KIF23: variants seen among roughly 807,000 people sequenced by gnomAD.
KIF23 encodes kinesin family member 23.
In KIF23, 30 loss-of-function variants were observed where a neutral mutation model predicts 137.5. The observed-to-expected ratio is 0.22, with a 90% confidence interval of 0.16 to 0.30. The LOEUF (loss-of-function observed/expected upper bound fraction) is 0.30, where lower values mean the gene tolerates loss of function less well. Among genes scored for constraint, KIF23 ranks in the 10% least tolerant of loss-of-function variants. KIF23 has a pLI of 1.00. For synonymous variants in KIF23, 367 were observed against 391.1 expected, an observed-to-expected ratio of 0.94 and a Z score of 0.73; for missense variants, 920 against 1,194.3, an observed-to-expected ratio of 0.77 and a Z score of 3.38.
At chr15:69,435,866 T>G in intron 13 of KIF23, 95 bp downstream of exon 13, 1 of 1,476,596 alleles carries the variant, frequency 6.8e-7, no homozygotes, top group Non-Finnish European at 9.2e-7. Context: ...ATTTTAAAAA[T>G]GGATAGAGAA....
intron 7 of KIF23, among the ~76,000 whole-genome samples, chr15:69,424,723 G>A (rs1404733050): frequency 6.6e-6 from 1 of 152,066 alleles, no homozygotes; most frequent in Non-Finnish European, 1.5e-5. Context: ...GCCCAGGTTG[G>A]TCTCGAACTC....
chr15:69,445,967 G>C (rs150213296), intron 20 of KIF23, 42 bp from the exon 21 acceptor site: 7 of 1,342,980 alleles, frequency 5.2e-6, no homozygotes, highest in Non-Finnish European at 7.4e-6. Context: ...TTTTCGTTTG[G>C]GTGTATCAAT....
chr15:69,434,764 T>TA (rs2057433752), intron 11 of KIF23: 1 of 1,168,568 alleles, frequency 8.6e-7, no homozygotes, highest in African/African-American at 1.5e-5. Flanking sequence ...CAGGAGGCCA[T>TA]AAAGCTCTTG....
Position 69,441,010 on chromosome 15 carries a change from G to T in KIF23, c.2352G>T (p.Trp784Cys), listed in dbSNP as rs1165825961. The T allele has an allele frequency of 6.2e-7, 1 of 1,614,104 alleles. No homozygotes were observed. Among genetic ancestry groups the T allele is most frequent in the Non-Finnish European group, 8.5e-7 (1 of 1,180,028 alleles). ...IVSDRRRGMY[W>C]TEGREVVPTF... ...CAGACAGAAGGCGAGGGATGTACTG[G>T]ACTGAAGGCAGGGAGGTGGTTCCTA... Residue 784 changes from tryptophan (W) to cysteine (C), a missense_variant, in exon 19 of 24, where the codon TGG becomes TGT. Physicochemically the swap from Trp to Cys is radical, Grantham distance 215 (BLOSUM62 -2). This residue lies in a region of KIF23 where 714 missense variants were observed against 866.2 expected (regional missense o/e 0.82). Transcript: ENST00000679126.
In KIF23 at chr15:69,417,202, A is replaced by G. The variant is rs117440455; in HGVS notation, c.82-181A>G. Among the ~76,000 whole-genome samples, 734 of 152,330 alleles carry G rather than the reference A, an allele frequency of 4.8e-3. 5 individuals carry two copies. The highest frequency in any genetic ancestry group is 8.2e-3 in the Non-Finnish European group (561 of 68,034). Reference sequence around the variant, plus strand: ...TGTATTTAAAGTATTCTCATATCTAATACATACTTGTATTTGTCAATCTCA... The same window carrying G: ...TGTATTTAAAGTATTCTCATATCTAGTACATACTTGTATTTGTCAATCTCA... On this transcript the variant is annotated intron_variant, in intron 2 of 23. Transcript: ENST00000679126.
intron 21 of KIF23, 67 bp downstream of exon 21, chr15:69,446,158 C>A (rs538310198): frequency 6.9e-7 from 1 of 1,456,092 alleles, no homozygotes. Context: ...TTTGGAGGAA[C>A]AGAATAGCCT....
rs1200564229 is a variant in KIF23 at position 69,422,399 on chromosome 15, G to C, written c.527G>C (p.Arg176Thr). The part of the protein sequence containing the change: ...EVDALLERQK[R>T]EAMPNPKTSS... ...GATGCCTTATTAGAACGTCAGAAAAGAGAAGCTATGCCCAATCCAAAGACT... is the reference window on the plus strand; with the variant it reads ...GATGCCTTATTAGAACGTCAGAAAACAGAAGCTATGCCCAATCCAAAGACT... The change falls in exon 6 of 24, where the codon AGA becomes ACA. Residue 176 changes from arginine (R) to threonine (T), a missense_variant. Physicochemically the swap from Arg to Thr is moderately conservative, Grantham distance 71 (BLOSUM62 -1). Around this residue, in one of 4 missense-constraint regions of KIF23, gnomAD observed 714 missense variants for 866.2 expected, o/e 0.82. Coordinates refer to ENST00000679126, the MANE Select transcript of KIF23 (RefSeq NM_001367805.3). 11 of 1,607,248 alleles carry C rather than the reference G, an allele frequency of 6.8e-6. No homozygotes were observed. Among genetic ancestry groups the C allele is most frequent in the Admixed American group, 1.7e-5 (1 of 59,966 alleles).
At position 69,436,580 on chromosome 15, in the gene KIF23, C is replaced by T. The variant is rs747697382; in HGVS notation, c.1455C>T (p.Asp485=). Residue 485 remains aspartate (D), a synonymous_variant, in exon 15 of 24, where the codon GAC becomes GAT. Transcript: ENST00000679126. Reference sequence around the variant, plus strand: ...TCAATACAGAACCATTGGTTACTGACGTGGTTTTGCAGAGTTTTCCACCTT... The same window carrying T: ...TCAATACAGAACCATTGGTTACTGATGTGGTTTTGCAGAGTTTTCCACCTT... ...GPVGNEPLVT[D]VVLQSFPPLP... The T allele has an allele frequency of 1.7e-5, 27 of 1,607,690 alleles. No homozygotes were observed. The highest frequency in any genetic ancestry group is 6.8e-5 in the Admixed American group (4 of 58,998).
chr15:69,439,970 G>A lies in KIF23; in HGVS notation c.1822G>A (p.Glu608Lys). 6.2e-7 allele frequency: 1 copy of A among 1,614,056 alleles called. No homozygotes were observed. Among genetic ancestry groups the A allele is most frequent in the Non-Finnish European group, 8.5e-7 (1 of 1,179,996 alleles). The change falls in exon 17 of 24, where the codon GAA becomes AAA. Residue 608 changes from glutamate to lysine, a missense_variant. By Grantham distance (56) the Glu-to-Lys change is moderately conservative. Coordinates refer to ENST00000679126, the MANE Select transcript of KIF23 (RefSeq NM_001367805.3). ...EDKRNLQQEL[E>K]TQNQKLQRQF... ...TAAACGCAATTTGCAACAGGAACTT[G>A]AAACTCAGAACCAGAAACTTCAGCG...
chr15:69,417,276 A>G, intron 2 of KIF23, 107 bp from the exon 3 acceptor site: 1 of 1,087,568 alleles, frequency 9.2e-7, no homozygotes, highest in Non-Finnish European at 1.3e-6. Flanking sequence ...GAGCTCTTAA[A>G]TTGAGAGACT....
intron 16 of KIF23, among the ~76,000 whole-genome samples, chr15:69,439,209 A>G (rs1242119329): frequency 2.6e-5 from 4 of 152,186 alleles, no homozygotes; most frequent in Non-Finnish European, 5.9e-5. Context: ...TGAGAGTTTT[A>G]ACAGTTGAAA....
rs1182869796 is a variant in KIF23 at position 69,440,041 on chromosome 15, G to A, written c.1893G>A (p.Met631Ile). Residue 631 changes from methionine (M) to isoleucine (I), a missense_variant, in exon 17 of 24, where the codon ATG becomes ATA. Met to Ile is a conservative substitution (Grantham distance 10). Coordinates refer to ENST00000679126, the MANE Select transcript of KIF23 (RefSeq NM_001367805.3). ...GATTAGAAGCCAGGTTGCAAGGCATGGTGACAGAAACGACAATGAAGTGGG... is the reference window on the plus strand; with the variant it reads ...GATTAGAAGCCAGGTTGCAAGGCATAGTGACAGAAACGACAATGAAGTGGG... Reference protein sequence around the residue: ...KRRLEARLQGMVTETTMKWEK... With the variant: ...KRRLEARLQGIVTETTMKWEK... 1 of 1,613,830 alleles carries A rather than the reference G, an allele frequency of 6.2e-7. No individual in the cohort carries two copies. Among genetic ancestry groups the A allele is most frequent in the Admixed American group, 1.7e-5 (1 of 59,984 alleles).
intron 10 of KIF23, among the ~76,000 whole-genome samples, chr15:69,427,116 T>C (rs527970784): frequency 6.6e-6 from 1 of 151,890 alleles, no homozygotes; most frequent in African/African-American, 2.4e-5. Flanking sequence ...ACTCTTGTCT[T>C]TGCAAAAAAA....
rs1409728234 is a variant in KIF23 at position 69,436,193 on chromosome 15, A to G, written c.1370A>G (p.Asp457Gly). The change falls in exon 14 of 24, where the codon GAC becomes GGC. Residue 457 changes from aspartate (D) to glycine (G), a missense_variant. This residue lies in a region of KIF23 where 714 missense variants were observed against 866.2 expected (regional missense o/e 0.82). Transcript: ENST00000679126. Reference protein sequence around the residue: ...TQEVEVARPVDKAICGLTPGR... With the variant: ...TQEVEVARPVGKAICGLTPGR... ...GAAGTTGAAGTAGCAAGACCTGTAG[A>G]CAAGGCAATATGTGGTTTAACGCCT... is the stretch of plus-strand genomic sequence containing the variant. 1.9e-6 allele frequency: 3 copies of G among 1,613,958 alleles called. No individual in the cohort carries two copies. In the African/African-American group the frequency reaches 4.0e-5, roughly 22 times the overall value.
chr15:69,423,959 CTGAGT>C (rs917289376), intron 7 of KIF23, among the ~76,000 whole-genome samples: 4 of 152,086 alleles, frequency 2.6e-5, no homozygotes, highest in Non-Finnish European at 5.9e-5. Flanking sequence ...TATCTTGTTC[CTGAGT>C]TGATGGTTTT....
At chr15:69,420,212 C>T (rs981876203) in intron 3 of KIF23, among the ~76,000 whole-genome samples, 26 of 151,710 alleles carry the variant, frequency 1.7e-4, no homozygotes, top group African/African-American at 6.1e-4. Context: ...TGCAGTGAGC[C>T]GAGATCCTAC....
At chr15:69,445,878 A>G in intron 20 of KIF23, 131 bp from the exon 21 acceptor site, 1 of 699,730 alleles carries the variant, frequency 1.4e-6, no homozygotes, top group Non-Finnish European at 2.5e-6. Context: ...CTCAGCAAGT[A>G]CCAAGTACCA....
chr15:69,440,557 A>G (rs2057591269), intron 18 of KIF23, 70 bp downstream of exon 18: 18 of 1,383,664 alleles, frequency 1.3e-5, no homozygotes, highest in Non-Finnish European at 1.2e-5. Context: ...GACTATTTCT[A>G]TGAGGATTTT....
chr15:69,446,751 G>T, intron 22 of KIF23, 120 bp from the exon 23 acceptor site: 1 of 899,156 alleles, frequency 1.1e-6, no homozygotes. Flanking sequence ...TAACGTAAGA[G>T]TCTTTGCTGA....
Sources: gnomAD v4.1 joint callset for allele counts (sites outside exome capture counted in the v4.1 genomes callset) on GRCh38, gnomAD v4.1.1 for gene constraint, gnomAD v4.1.1 regional missense constraint, MANE v1.5 for transcripts, NCBI Gene and HGNC (gene_info 2026-07-23, HGNC 2026-07-21) for gene names.